The following NOTCH4 variants were observed in gnomAD, a reference collection of about 807,000 sequenced individuals.
NOTCH4 encodes the protein neurogenic locus notch homolog protein 4.
Under a neutral mutation model 189.0 loss-of-function variants are expected in NOTCH4, and 138 were observed. That is an observed-to-expected ratio of 0.73 (90% confidence interval 0.64 to 0.84). NOTCH4 has a LOEUF of 0.84. Among genes scored for constraint, NOTCH4 ranks in the 40% least tolerant of loss-of-function variants. The pLI, the probability that NOTCH4 is intolerant of heterozygous loss-of-function variation, is 0.00. For synonymous variants in NOTCH4, 942 were observed against 1,032.8 expected (o/e 0.91, Z 1.69); for missense variants, 2,286 against 2,605.4 (o/e 0.88, Z 2.67).
At position 32,196,081 on chromosome 6, in the gene NOTCH4, C is replaced by G. The variant is rs1561909400; in HGVS notation, c.5368G>C (p.Gly1790Arg). Residue 1790 changes from glycine (G) to arginine (R), a missense_variant, in exon 30 of 30, where the codon GGG (glycine) becomes CGG (arginine). Physicochemically the swap from Gly to Arg is moderately radical, Grantham distance 125. Around this residue, in one of 2 missense-constraint regions of NOTCH4, gnomAD observed 383 missense variants for 343.5 expected, o/e 1.11. Coordinates refer to ENST00000375023, the MANE Select transcript of NOTCH4 (RefSeq NM_004557.4). ...VEVAQLLLGL[G>R]AARELRDQAG... ...TGGTCCCGCAGCTCTCGGGCTGCCCCCAGCCCCAGCAGTAGCTGGGCTACT... is the reference window on the plus strand; with the variant it reads ...TGGTCCCGCAGCTCTCGGGCTGCCCGCAGCCCCAGCAGTAGCTGGGCTACT... 2 of 1,593,008 alleles carry G rather than the reference C, an allele frequency of 1.3e-6. No individual in the cohort carries two copies. Among genetic ancestry groups the G allele is most frequent in the Non-Finnish European group, 1.7e-6 (2 of 1,176,816 alleles).
chr6:32,214,246 A>G lies in NOTCH4; in HGVS notation c.2031T>C (p.Cys677=). The change falls in exon 13 of 30, where the codon TGT becomes TGC. Residue 677 remains cysteine (C), a synonymous_variant. Coordinates refer to ENST00000375023, the MANE Select transcript of NOTCH4 (RefSeq NM_004557.4). ...CHHGHCQRSS[C]VCDVGWTGPE... ...GCCCCGTCCAACCCACGTCACACAC[A>G]CATGAGGATCTGGTTGTAAAGAGAA... 6.2e-7 allele frequency: 1 copy of G among 1,613,146 alleles called. No homozygotes were observed. Among genetic ancestry groups the G allele is most frequent in the Non-Finnish European group, 8.5e-7 (1 of 1,179,678 alleles).
In NOTCH4 at chr6:32,201,437, G is replaced by A. The variant is rs1458789803; in HGVS notation, c.3819C>T (p.Asn1273=). 6.5e-7 allele frequency: 1 copy of A among 1,536,992 alleles called. No individual in the cohort carries two copies. Among genetic ancestry groups the A allele is most frequent in the Admixed American group, 2.1e-5 (1 of 48,486 alleles). ...FHNGHCEKGC[N]TAECGWDGGD... ...CTCCATCCCAGCCACACTCTGCAGT[G>A]TTGCAGCCTTTCTCACAGTGCCCGT... Residue 1273 remains asparagine (N), a synonymous_variant, in exon 22 of 30, where the codon AAC becomes AAT. Coordinates refer to ENST00000375023, the MANE Select transcript of NOTCH4 (RefSeq NM_004557.4). The surrounding 1 kb of genome is among the most constrained non-coding windows in gnomAD (Gnocchi z 5.5).
rs13215567 is a variant in NOTCH4, at chr6:32,195,971, C to T, written c.5478G>A (p.Glu1826=). Residue 1826 remains glutamate (E), a synonymous_variant, in exon 30 of 30, where the codon GAG becomes GAA. Transcript: ENST00000375023. The surrounding 1 kb of genome is among the most constrained non-coding windows in gnomAD (Gnocchi z 5.4). ...GGCCCGGCGTGGCTTTGTGACGGGC[C>T]TCTGGTGGCCCAGCCCCTTCCAGCA... ...LTLLEGAGPP[E]ARHKATPGRE... 2.5e-6 allele frequency: 4 copies of T among 1,597,644 alleles called. No individual in the cohort carries two copies. The Admixed American group carries it at 5.0e-5, about 20-fold the overall frequency.
At position 32,198,897 on chromosome 6, in the gene NOTCH4, C is replaced by T. The variant is rs1224072235; in HGVS notation, c.4535+29G>A. On this transcript the variant is annotated intron_variant, in intron 24 of 29. Transcript: ENST00000375023. This position sits in a 1 kb window ranked among gnomAD's most constrained non-coding sequence, Gnocchi z 5.5. The stretch of plus-strand genomic sequence containing the variant: ...TATCGCCATAGGAGAGACTCCCCTT[C>T]CTGAGCCTGGGTTTCTCCTCATTCT... 1 of 1,523,350 alleles carries T rather than the reference C, an allele frequency of 6.6e-7. No homozygotes were observed. Among genetic ancestry groups the T allele is most frequent in the Non-Finnish European group, 8.8e-7 (1 of 1,133,244 alleles). 94.4% of individuals were successfully genotyped at this position (1,523,350 alleles called of 1,614,324 possible).
chr6:32,218,090 C>T lies in NOTCH4; in HGVS notation c.1529G>A (p.Cys510Tyr). The T allele has an allele frequency of 6.2e-7, 1 of 1,612,568 alleles. No individual in the cohort carries two copies. The change falls in exon 9 of 30, where the codon TGT becomes TAT. Residue 510 changes from cysteine to tyrosine, a missense_variant. Cys to Tyr is a radical substitution (Grantham distance 194). Around this residue, in one of 2 missense-constraint regions of NOTCH4, gnomAD observed 1,903 missense variants for 2,261.9 expected, o/e 0.84. Coordinates refer to ENST00000375023, the MANE Select transcript of NOTCH4 (RefSeq NM_004557.4). ...LCPPGLEGQL[C>Y]EVETNECASA... ...GGCACACTCGTTGGTCTCCACCTCA[C>T]AGAGCTGCCCTTCTAAGCCTGGGGA...
chr6:32,223,689 C>T (rs1388754594), intron 1 of NOTCH4, among the ~76,000 whole-genome samples, 167 bp downstream of exon 1: 1 of 152,060 alleles, frequency 6.6e-6, no homozygotes, highest in African/African-American at 2.4e-5. Flanking sequence ...CGAAGCAGCT[C>T]CATGGGCAGA....
chr6:32,220,131 A>G lies in NOTCH4; in HGVS notation c.1313T>C (p.Met438Thr), dbSNP rs1789656693. ...CTCTGAAGTGGGAGTGGCCTCACCC[A>G]TCAGACACTCGTCCAGGTCCTGGTG... is the stretch of plus-strand genomic sequence containing the variant. ...TCHQDLDECL[M>T]AQQGPSPCEH... The change falls in exon 7 of 30, where the codon ATG (methionine) becomes ACG (threonine). Residue 438 changes from methionine (M) to threonine (T), a missense_variant and splice_region_variant. By Grantham distance (81) the Met-to-Thr change is moderately conservative. Coordinates refer to ENST00000375023, the MANE Select transcript of NOTCH4 (RefSeq NM_004557.4). 3 of 1,613,302 alleles carry G rather than the reference A, an allele frequency of 1.9e-6. No homozygotes were observed. The highest frequency in any genetic ancestry group is 2.7e-5 in the African/African-American group (2 of 74,906).
Position 32,198,707 on chromosome 6 carries a change from A to G in NOTCH4, c.4559T>C (p.Val1520Ala). 1 of 1,612,104 alleles carries G rather than the reference A, an allele frequency of 6.2e-7. No individual in the cohort carries two copies. Residue 1520 changes from valine to alanine, a missense_variant, in exon 25 of 30, where the codon GTT becomes GCT. Physicochemically the swap from Val to Ala is moderately conservative, Grantham distance 64 (BLOSUM62 0). Transcript: ENST00000375023. This position sits in a 1 kb window ranked among gnomAD's most constrained non-coding sequence, Gnocchi z 5.5. The stretch of plus-strand genomic sequence containing the variant: ...GCACATCACAACTCCATCCTCATCA[A>G]CTTCTGCCTTTGGCTTCAGTGCCCT... ...GLKALKPKAE[V>A]DEDGVVMCSG...
Position 32,201,650 on chromosome 6 carries a change from A to AC in NOTCH4, c.3756-151_3756-150insG. 2 of 654,850 alleles carry AC rather than the reference A, an allele frequency of 3.1e-6. No homozygotes were observed. The highest frequency in any genetic ancestry group is 1.9e-5 in the African/African-American group (1 of 54,002). 40.6% of individuals were successfully genotyped at this position (654,850 alleles called of 1,614,324 possible). Reference sequence around the variant, plus strand: ...AGCAATGAGCTTAGTCAAGTCCTGGATGGTAGTCCAGACACCCCAATGTCT... The same window carrying AC: ...AGCAATGAGCTTAGTCAAGTCCTGGACTGGTAGTCCAGACACCCCAATGTCT... On this transcript the variant is annotated intron_variant, in intron 21 of 29. Transcript: ENST00000375023. The surrounding 1 kb of genome is among the most constrained non-coding windows in gnomAD (Gnocchi z 5.5).
chr6:32,201,629 A>G lies in NOTCH4; in HGVS notation c.3756-129T>C. ...GCTAAGTGGGGGCAGCTGTGGAGCA[A>G]TGAGCTTAGTCAAGTCCTGGATGGT... On this transcript the variant is annotated intron_variant, in intron 21 of 29. Transcript: ENST00000375023. This position sits in a 1 kb window ranked among gnomAD's most constrained non-coding sequence, Gnocchi z 5.5. The G allele has an allele frequency of 1.1e-6, 1 of 871,626 alleles. No individual in the cohort carries two copies. The highest frequency in any genetic ancestry group is 3.4e-5 in the Admixed American group (1 of 29,340). The allele number at this position is 871,626 out of a possible 1,614,324, so 54.0% of individuals were successfully genotyped here.
At position 32,202,277 on chromosome 6, in the gene NOTCH4, C is replaced by G; in HGVS notation, c.3554G>C (p.Gly1185Ala). The G allele has an allele frequency of 6.3e-7, 1 of 1,597,006 alleles. No individual in the cohort carries two copies. ...GCCACTGCAGCCAGCATCGCAGGCC[C>G]CATCTCCACTTCTGCCCTCACACCC... Reference protein sequence around the residue: ...AKGCEGRSGDGACDAGCSGPG... With the variant: ...AKGCEGRSGDAACDAGCSGPG... The change falls in exon 21 of 30, where the codon GGG (glycine) becomes GCG (alanine). Residue 1185 changes from glycine to alanine, a missense_variant. Transcript: ENST00000375023. The surrounding 1 kb of genome is among the most constrained non-coding windows in gnomAD (Gnocchi z 5.7).
In NOTCH4 at chr6:32,201,287, C is replaced by CA; in HGVS notation, c.3968dup (p.Arg1324GlufsTer11). On this transcript the variant is annotated frameshift_variant, in exon 22 of 30. Transcript: ENST00000375023. LOFTEE classifies it high-confidence loss of function. This position sits in a 1 kb window ranked among gnomAD's most constrained non-coding sequence, Gnocchi z 5.5. The stretch of plus-strand genomic sequence containing the variant: ...CCTTCCTTACCCAGAGTCCTACCCT[C>CA]AGAGTCAGGGACAGCACCCGGGCCA... 1 of 1,613,050 alleles carries CA rather than the reference C, an allele frequency of 6.2e-7. No individual in the cohort carries two copies. Among genetic ancestry groups the CA allele is most frequent in the Non-Finnish European group, 8.5e-7 (1 of 1,180,020 alleles).
At chr6:32,197,636 A>G (rs754617299) in intron 26 of NOTCH4, 42 bp from the exon 27 acceptor site, 21 of 1,529,322 alleles carry the variant, frequency 1.4e-5, no homozygotes, top group Non-Finnish European at 2.7e-6. Context: ...AAAGGACACA[A>G]CAAGGGGGAA....
intron 18 of NOTCH4, among the ~76,000 whole-genome samples, chr6:32,209,113 A>G (rs115897807): frequency 1.5e-3 from 235 of 152,380 alleles, no homozygotes; most frequent in African/African-American, 5.5e-3. Context: ...CATGGATGAA[A>G]CTGAAGGACA....
At position 32,195,727 on chromosome 6, in the gene NOTCH4, C is replaced by T; in HGVS notation, c.5722G>A (p.Gly1908Ser). ...AACCTACGGCCGCGAGGGGTCGGGC[C>T]TCCTCCTGCTCCTACTCCCGAGAGG... ...RSLSGVGAGG[G>S]PTPRGRRFSA... The change falls in exon 30 of 30, where the codon GGC (glycine) becomes AGC (serine). Residue 1908 changes from glycine (G) to serine (S), a missense_variant. Coordinates refer to ENST00000375023, the MANE Select transcript of NOTCH4 (RefSeq NM_004557.4). This position sits in a 1 kb window ranked among gnomAD's most constrained non-coding sequence, Gnocchi z 5.4. 1.2e-6 allele frequency: 2 copies of T among 1,612,756 alleles called. No homozygotes were observed. Among genetic ancestry groups the T allele is most frequent in the Non-Finnish European group, 1.7e-6 (2 of 1,179,908 alleles).
At position 32,202,632 on chromosome 6, in the gene NOTCH4, A is replaced by G. The variant is rs1788428019; in HGVS notation, c.3232-33T>C. ...GGGGAGGGGAGATATTGGAGATGCAACTTGCATTATTCTTCCCGCTCTCCA... is the reference window on the plus strand; with the variant it reads ...GGGGAGGGGAGATATTGGAGATGCAGCTTGCATTATTCTTCCCGCTCTCCA... On this transcript the variant is annotated intron_variant, in intron 20 of 29. Transcript: ENST00000375023. This position sits in a 1 kb window ranked among gnomAD's most constrained non-coding sequence, Gnocchi z 5.7. 2 of 1,538,044 alleles carry G rather than the reference A, an allele frequency of 1.3e-6. No homozygotes were observed. Among genetic ancestry groups the G allele is most frequent in the Non-Finnish European group, 8.8e-7 (1 of 1,139,510 alleles).
In NOTCH4 at chr6:32,216,483, G is replaced by C. The variant is rs542526711; in HGVS notation, c.1861+462C>G. On this transcript the variant is annotated intron_variant, in intron 11 of 29. Coordinates refer to ENST00000375023, the MANE Select transcript of NOTCH4 (RefSeq NM_004557.4). The stretch of plus-strand genomic sequence containing the variant: ...ATCACCTCCTCCATTTTTAGTCTGG[G>C]TTGGCTGGTCCTCTGTGCTCTTGTA... The C allele has an allele frequency of 1.4e-3, 296 of 205,832 alleles. 1 individual carries two copies. The highest frequency in any genetic ancestry group is 2.5e-3 in the Non-Finnish European group (258 of 101,478). The allele number at this position is 205,832 out of a possible 1,614,324, so 12.8% of individuals were successfully genotyped here. A position where few individuals can be genotyped will look rare whatever the true frequency, so the allele number is the denominator to read the frequency against.
intron 3 of NOTCH4, among the ~76,000 whole-genome samples, chr6:32,222,254 A>G (rs1789824962): frequency 6.6e-6 from 1 of 152,244 alleles, no homozygotes; most frequent in African/African-American, 2.4e-5. Context: ...GGGCTAGAAC[A>G]GGCATCAGGA....
Position 32,195,916 on chromosome 6 carries a change from T to C in NOTCH4, c.5533A>G (p.Thr1845Ala). The change falls in exon 30 of 30, where the codon ACG becomes GCG. Residue 1845 changes from threonine to alanine, a missense_variant. Thr to Ala is a moderately conservative substitution (Grantham distance 58). Coordinates refer to ENST00000375023, the MANE Select transcript of NOTCH4 (RefSeq NM_004557.4). This position sits in a 1 kb window ranked among gnomAD's most constrained non-coding sequence, Gnocchi z 5.4. ...TGCGGGGGCACGCTTACTGACACCG[T>C]CCGTGCGCGCGGGAAGGGCCCAGCC... ...REAGPFPRAR[T>A]VSVSVPPHGG... is the part of the protein sequence containing the mutation. The C allele has an allele frequency of 1.3e-6, 2 of 1,586,758 alleles. No individual in the cohort carries two copies. The highest frequency in any genetic ancestry group is 1.1e-5 in the South Asian group (1 of 89,612).
Sources: gnomAD v4.1 joint callset for allele counts (sites outside exome capture counted in the v4.1 genomes callset) on GRCh38, gnomAD v4.1.1 for gene constraint, gnomAD v4.1.1 regional missense constraint, Gnocchi (gnomAD v3.1) non-coding constraint, MANE v1.5 for transcripts, NCBI Gene and HGNC (gene_info 2026-07-23, HGNC 2026-07-21) for gene names.